The following PEX3 variants were observed in gnomAD, a reference collection of about 807,000 sequenced individuals.
The protein encoded by PEX3 is peroxisomal biogenesis factor 3, also known as peroxin-3.
A neutral mutation model predicts 55.8 loss-of-function variants in PEX3; 30 were observed. That is an observed-to-expected ratio of 0.54 (90% CI 0.40 to 0.73). The LOEUF is 0.73. Among genes scored for constraint, PEX3 ranks in the 30% least tolerant of loss-of-function variants. The pLI, the probability that PEX3 is intolerant of heterozygous loss-of-function variation, is 0.00. For synonymous variants in PEX3, 135 were observed against 148.4 expected (o/e 0.91, Z 0.66); for missense variants, 351 against 432.8 (o/e 0.81, Z 1.68).
At chr6:143,468,661 T>C (rs933188889) in intron 4 of PEX3, among the ~76,000 whole-genome samples, 23 of 152,080 alleles carry the variant, frequency 1.5e-4, no homozygotes, top group African/African-American at 5.6e-4. Context: ...GTTGTTGTTG[T>C]TGTTTTCATT....
At chr6:143,472,022 T>G in intron 7 of PEX3, 138 bp from the exon 8 acceptor site, 1 of 688,162 alleles carries the variant, frequency 1.5e-6, no homozygotes, top group South Asian at 1.6e-5. Flanking sequence ...GATTTCGTAA[T>G]CCATTCTATT....
chr6:143,472,324 T>C lies in PEX3; in HGVS notation c.743T>C (p.Val248Ala). ...MMPDEETPLA[V>A]QACGLSPRDI... Reference sequence around the variant, plus strand: ...CCAGATGAAGAAACTCCATTAGCAGTGCAGGTGCTTAATTCATAACCATTT... The same window carrying C: ...CCAGATGAAGAAACTCCATTAGCAGCGCAGGTGCTTAATTCATAACCATTT... The change falls in exon 8 of 12, where the codon GTG becomes GCG. Residue 248 changes from valine (V) to alanine (A), a missense_variant. By Grantham distance (64) the Val-to-Ala change is moderately conservative. Transcript: ENST00000367591. The C allele has an allele frequency of 6.2e-7, 1 of 1,600,536 alleles. No individual in the cohort carries two copies. The highest frequency in any genetic ancestry group is 8.6e-7 in the Non-Finnish European group (1 of 1,168,476).
intron 1 of PEX3, among the ~76,000 whole-genome samples, chr6:143,457,419 A>G (rs1288378945): frequency 6.6e-6 from 1 of 152,148 alleles, no homozygotes; most frequent in East Asian, 1.9e-4. Flanking sequence ...CTGTAGTTCT[A>G]ATTGTTTTTA....
chr6:143,489,303 T>A lies in PEX3; in HGVS notation c.*77T>A. The A allele has an allele frequency of 3.7e-6, 3 of 805,580 alleles. No homozygotes were observed. The highest frequency in any genetic ancestry group is 6.7e-6 in the Non-Finnish European group (3 of 449,602). 49.9% of individuals were successfully genotyped at this position (805,580 alleles called of 1,614,324 possible). ...CTGGGTAAATCACCTATACTTAGAG[T>A]AACAGTTTGTTATCAAAATGCCTGA... On this transcript the variant is annotated 3_prime_UTR_variant, in exon 12 of 12. Coordinates refer to ENST00000367591, the MANE Select transcript of PEX3 (RefSeq NM_003630.3). This position sits in a 1 kb window ranked among gnomAD's most constrained non-coding sequence, Gnocchi z 5.5.
At chr6:143,481,299 G>A (rs1355954562) in intron 10 of PEX3, among the ~76,000 whole-genome samples, 1 of 151,694 alleles carries the variant, frequency 6.6e-6, no homozygotes, top group East Asian at 1.9e-4. Context: ...AATAATAATA[G>A]CAGCTAATAC....
At position 143,482,288 on chromosome 6, in the gene PEX3, C is replaced by T. The variant is rs1026195510; in HGVS notation, c.942-2864C>T. Reference sequence around the variant, plus strand: ...CCATTTTAATAAACTGTTAGTTGACCGTTGGTTTTCTAAGTTAAACTCATG... The same window carrying T: ...CCATTTTAATAAACTGTTAGTTGACTGTTGGTTTTCTAAGTTAAACTCATG... On this transcript the variant is annotated intron_variant, in intron 10 of 11. Transcript: ENST00000367591. This position sits in a 1 kb window ranked among gnomAD's most constrained non-coding sequence, Gnocchi z 5.5. Among the ~76,000 whole-genome samples, 1 of 151,784 alleles carries T rather than the reference C, an allele frequency of 6.6e-6. No individual in the cohort carries two copies. The highest frequency in any genetic ancestry group is 2.4e-5 in the African/African-American group (1 of 41,318).
chr6:143,471,081 G>T lies in PEX3; in HGVS notation c.452G>T (p.Gly151Val), dbSNP rs1309719519. 3.7e-6 allele frequency: 6 copies of T among 1,613,214 alleles called. No individual in the cohort carries two copies. Among genetic ancestry groups the T allele is most frequent in the Non-Finnish European group, 5.1e-6 (6 of 1,179,472 alleles). The change falls in exon 5 of 12, where the codon GGC becomes GTC. Residue 151 changes from glycine to valine, a missense_variant. By Grantham distance (109) the Gly-to-Val change is moderately radical (BLOSUM62 -3). Coordinates refer to ENST00000367591, the MANE Select transcript of PEX3 (RefSeq NM_003630.3). The surrounding 1 kb of genome is among the most constrained non-coding windows in gnomAD (Gnocchi z 5.4). ...GATAATGCAGCAGTTGGCAAAAATG[G>T]CACTGTAAGTTTAATAGACTTAAAT... ...YLDNAAVGKN[G>V]TTILAPPDVQ... is the part of the protein sequence containing the mutation.
In PEX3 at chr6:143,462,872, C is replaced by T. The variant is rs910007729; in HGVS notation, c.206-44C>T. The T allele has an allele frequency of 2.1e-5, 29 of 1,410,954 alleles. No homozygotes were observed. Among genetic ancestry groups the T allele is most frequent in the Non-Finnish European group, 2.9e-5 (29 of 1,002,118 alleles). The allele number at this position is 1,410,954 out of a possible 1,614,324, so 87.4% of individuals were successfully genotyped here. A position where few individuals can be genotyped will look rare whatever the true frequency, so the allele number is the denominator to read the frequency against. ...ATGCGCATTTCTTAGTGAGGGCAGTCATATCACTTGTGACCTTTTTTATTT... is the reference window on the plus strand; with the variant it reads ...ATGCGCATTTCTTAGTGAGGGCAGTTATATCACTTGTGACCTTTTTTATTT... On this transcript the variant is annotated intron_variant, in intron 2 of 11. Coordinates refer to ENST00000367591, the MANE Select transcript of PEX3 (RefSeq NM_003630.3). This position sits in a 1 kb window ranked among gnomAD's most constrained non-coding sequence, Gnocchi z 4.1.
rs924221700 is a variant in PEX3, at chr6:143,479,287, AC to A, written c.941+91del. On this transcript the variant is annotated intron_variant, in intron 10 of 11. Transcript: ENST00000367591. This position sits in a 1 kb window ranked among gnomAD's most constrained non-coding sequence, Gnocchi z 4.6. Reference sequence around the variant, plus strand: ...TTTTTGTTCCAGATAACAACAACAAACCTATTAAATTTGAGTGCCTCATTTT... The same window carrying A: ...TTTTTGTTCCAGATAACAACAACAAACTATTAAATTTGAGTGCCTCATTTT... 57 of 1,049,472 alleles carry A rather than the reference AC, an allele frequency of 5.4e-5. No homozygotes were observed. Among genetic ancestry groups the A allele is most frequent in the Admixed American group, 2.5e-4 (14 of 55,784 alleles). 65.0% of individuals were successfully genotyped at this position (1,049,472 alleles called of 1,614,324 possible). A position where few individuals can be genotyped will look rare whatever the true frequency, so the allele number is the denominator to read the frequency against.
intron 1 of PEX3, among the ~76,000 whole-genome samples, chr6:143,455,245 T>A (rs1779828757): frequency 6.6e-6 from 1 of 150,862 alleles, no homozygotes; most frequent in Admixed American, 6.6e-5. Flanking sequence ...CAGGCTCGAG[T>A]GCAGTGGCTC....
intron 10 of PEX3, among the ~76,000 whole-genome samples, chr6:143,481,348 A>G (rs528880261): frequency 7.6e-4 from 116 of 151,902 alleles, no homozygotes; most frequent in Non-Finnish European, 1.3e-3. Flanking sequence ...TATTTTTCAG[A>G]ATGTCTCTCA....
Position 143,459,019 on chromosome 6 carries a change from A to G in PEX3, c.74-66A>G. The G allele has an allele frequency of 9.6e-7, 1 of 1,039,616 alleles. No homozygotes were observed. The allele number at this position is 1,039,616 out of a possible 1,614,324, so 64.4% of individuals were successfully genotyped here. ...TATAAAACTTATAATTGCATAAAGT[A>G]GGTTAAAAATACTGTGTAGAATTTT... On this transcript the variant is annotated intron_variant, in intron 1 of 11. Transcript: ENST00000367591. This position sits in a 1 kb window ranked among gnomAD's most constrained non-coding sequence, Gnocchi z 4.2.
rs1040135274 is a variant in PEX3, at chr6:143,485,689, C to G, written c.1038+441C>G. 2.0e-5 allele frequency among the ~76,000 whole-genome samples: 3 copies of G among 152,016 alleles called. No individual in the cohort carries two copies. Among genetic ancestry groups the G allele is most frequent in the Non-Finnish European group, 4.4e-5 (3 of 67,980 alleles). ...GTTAATAGTGCATCAATAATATGCTCACTAAAAGCCACATAAACAGTGGGT... is the reference window on the plus strand; with the variant it reads ...GTTAATAGTGCATCAATAATATGCTGACTAAAAGCCACATAAACAGTGGGT... On this transcript the variant is annotated intron_variant, in intron 11 of 11. Transcript: ENST00000367591. This position sits in a 1 kb window ranked among gnomAD's most constrained non-coding sequence, Gnocchi z 5.6.
At chr6:143,467,120 A>C (rs939069238) in intron 3 of PEX3, among the ~76,000 whole-genome samples, 1 of 152,066 alleles carries the variant, frequency 6.6e-6, no homozygotes, top group African/African-American at 2.4e-5. Context: ...CACACAAAGA[A>C]TTGGAAAAAC....
At position 143,462,822 on chromosome 6, in the gene PEX3, T is replaced by C; in HGVS notation, c.206-94T>C. 2 of 882,866 alleles carry C rather than the reference T, an allele frequency of 2.3e-6. No homozygotes were observed. Among genetic ancestry groups the C allele is most frequent in the South Asian group, 1.3e-5 (1 of 74,732 alleles). The allele number at this position is 882,866 out of a possible 1,614,324, so 54.7% of individuals were successfully genotyped here. A position where few individuals can be genotyped will look rare whatever the true frequency, so the allele number is the denominator to read the frequency against. ...TTCCCTTCTGACTCTTGCTAGTTGC[T>C]AGCCCTATCATATAGCCTAAAACAA... On this transcript the variant is annotated intron_variant, in intron 2 of 11. Coordinates refer to ENST00000367591, the MANE Select transcript of PEX3 (RefSeq NM_003630.3). The surrounding 1 kb of genome is among the most constrained non-coding windows in gnomAD (Gnocchi z 4.1).
rs1012714771 is a variant in PEX3 at position 143,465,424 on chromosome 6, C to G, written c.287+2427C>G. Among the ~76,000 whole-genome samples, 1 of 151,630 alleles carries G rather than the reference C, an allele frequency of 6.6e-6. No homozygotes were observed. Among genetic ancestry groups the G allele is most frequent in the Admixed American group, 6.6e-5 (1 of 15,204 alleles). Reference sequence around the variant, plus strand: ...CCCAAATAAAATACAGTTTTTTGTTCGTTTGGTTTTGGTTTTTTTTTAGAT... The same window carrying G: ...CCCAAATAAAATACAGTTTTTTGTTGGTTTGGTTTTGGTTTTTTTTTAGAT... On this transcript the variant is annotated intron_variant, in intron 3 of 11. Coordinates refer to ENST00000367591, the MANE Select transcript of PEX3 (RefSeq NM_003630.3). The surrounding 1 kb of genome is among the most constrained non-coding windows in gnomAD (Gnocchi z 4.7).
Position 143,480,721 on chromosome 6 carries a change from G to C in PEX3, c.941+1523G>C, listed in dbSNP as rs186150764. Among the ~76,000 whole-genome samples the C allele has an allele frequency of 2.2e-3, 336 of 152,200 alleles. 1 individual carries two copies. The highest frequency in any genetic ancestry group is 7.8e-3 in the African/African-American group (325 of 41,530). On this transcript the variant is annotated intron_variant, in intron 10 of 11. Coordinates refer to ENST00000367591, the MANE Select transcript of PEX3 (RefSeq NM_003630.3). The stretch of plus-strand genomic sequence containing the variant: ...GTGTTGTGAAAGTCTAGCCATCATA[G>C]TAAGTCAAGAAAAAACAAATGGCTA...
In PEX3 at chr6:143,479,889, T is replaced by G. The variant is rs1459909908; in HGVS notation, c.941+691T>G. On this transcript the variant is annotated intron_variant, in intron 10 of 11. Coordinates refer to ENST00000367591, the MANE Select transcript of PEX3 (RefSeq NM_003630.3). The surrounding 1 kb of genome is among the most constrained non-coding windows in gnomAD (Gnocchi z 4.6). The stretch of plus-strand genomic sequence containing the variant: ...TTTTTATGTCAAACTCGGAAAATAA[T>G]GGGTACTAAATTAATGTTGACTGAC... Among the ~76,000 whole-genome samples the G allele has an allele frequency of 1.3e-5, 2 of 152,124 alleles. No homozygotes were observed. The highest frequency in any genetic ancestry group is 2.9e-5 in the Non-Finnish European group (2 of 67,968).
chr6:143,485,181 A>G lies in PEX3; in HGVS notation c.971A>G (p.Lys324Arg). The G allele has an allele frequency of 4.4e-6, 7 of 1,605,092 alleles. No individual in the cohort carries two copies. The highest frequency in any genetic ancestry group is 6.0e-6 in the Non-Finnish European group (7 of 1,171,996). The change falls in exon 11 of 12, where the codon AAG becomes AGG. Residue 324 changes from lysine (K) to arginine (R), a missense_variant. Coordinates refer to ENST00000367591, the MANE Select transcript of PEX3 (RefSeq NM_003630.3). This position sits in a 1 kb window ranked among gnomAD's most constrained non-coding sequence, Gnocchi z 5.6. ...SLSSVSLPLA[K>R]IIPIVNGQIH... is the part of the protein sequence containing the mutation. ...TCCAGTGTCAGCCTGCCTTTAGCTA[A>G]GATAATTCCAATAGTAAACGGACAG...
Sources: allele counts gnomAD v4.1 joint callset (sites outside exome capture counted in the v4.1 genomes callset), GRCh38; gene constraint gnomAD v4.1.1; non-coding constraint Gnocchi (gnomAD v3.1); transcripts MANE v1.5; gene names NCBI Gene and HGNC (gene_info 2026-07-23, HGNC 2026-07-21).